Variants in GTPBP1 observed in about 807,000 individuals in gnomAD.
GTPBP1 encodes GTP binding protein 1.
Under a neutral mutation model 62.0 loss-of-function variants are expected in GTPBP1, and 23 were observed. The ratio of observed to expected loss-of-function variants is 0.37; its 90% CI spans 0.27 to 0.53. The LOEUF is 0.53. GTPBP1 is among the 20% of genes least tolerant of loss of function. The probability of loss-of-function intolerance (pLI) is 0.89; values close to 1 mark genes in which losing one functional copy is unlikely to be tolerated. For missense variants in GTPBP1, 640 were observed against 917.3 expected, an observed-to-expected ratio of 0.70 and a Z score of 3.90; for synonymous variants, 344 against 364.4, an observed-to-expected ratio of 0.94 and a Z score of 0.64.
At chr22:38,740,665 T>A, downstream of GTPBP1, 1 of 571,856 alleles carries the variant, frequency 1.7e-6, no homozygotes, top group East Asian at 2.9e-5. This position sits in a 1 kb window ranked among gnomAD's most constrained non-coding sequence, Gnocchi z 4.8. Context: ...GAGTCCAGAA[T>A]GTACTCTGCC....
chr22:38,734,215 G>T, downstream of GTPBP1: 1 of 428,580 alleles, frequency 2.3e-6, no homozygotes. Flanking sequence ...GATCAGGCTA[G>T]AGAACCACGC....
chr22:38,710,516 G>A (rs984483938), intron 2 of GTPBP1, among the ~76,000 whole-genome samples: 59 of 152,154 alleles, frequency 3.9e-4, no homozygotes, highest in African/African-American at 1.4e-3. Context: ...CTAAAGGAAG[G>A]CATGGTCAGA....
Position 38,726,356 on chromosome 22 carries a change from C to A in GTPBP1, c.1317C>A (p.Ser439=). ...CAGACCCCTTGGGTAACTTCCTGTC[C>A]ATTGCTGTCAAATCCATCCATCGCA... ...LGPDPLGNFL[S]IAVKSIHRKR... The change falls in exon 8 of 12, where the codon TCC becomes TCA. Residue 439 remains serine (S), a synonymous_variant. Coordinates refer to ENST00000216044, the MANE Select transcript of GTPBP1 (RefSeq NM_004286.5). The surrounding 1 kb of genome is among the most constrained non-coding windows in gnomAD (Gnocchi z 4.1). 6.2e-7 allele frequency: 1 copy of A among 1,614,046 alleles called. No individual in the cohort carries two copies. The highest frequency in any genetic ancestry group is 1.1e-5 in the South Asian group (1 of 91,076).
chr22:38,740,430 A>C, downstream of GTPBP1: 7 of 1,509,064 alleles, frequency 4.6e-6, no homozygotes, highest in Non-Finnish European at 6.2e-6. The surrounding 1 kb of genome is among the most constrained non-coding windows in gnomAD (Gnocchi z 4.8). Flanking sequence ...CTCCTGGGTC[A>C]TGCTGGTCCC....
intron 2 of GTPBP1, among the ~76,000 whole-genome samples, chr22:38,714,844 G>C (rs1257509227): frequency 6.6e-6 from 1 of 152,098 alleles, no homozygotes; most frequent in East Asian, 1.9e-4. Context: ...GGCTGAGGGA[G>C]TGATTGTGGA....
chr22:38,709,218 G>A (rs1202795386), intron 2 of GTPBP1, among the ~76,000 whole-genome samples: 3 of 152,146 alleles, frequency 2.0e-5, no homozygotes, highest in African/African-American at 7.2e-5. Flanking sequence ...CTTGAACCTG[G>A]GAGGCGGAGG....
chr22:38,728,328 C>G, intron 10 of GTPBP1, 167 bp downstream of exon 10: 1 of 604,658 alleles, frequency 1.7e-6, no homozygotes, highest in Non-Finnish European at 3.0e-6. Context: ...ATCCTGTGGC[C>G]TCCTGTCCTG....
At chr22:38,736,071 G>C (rs542299684), downstream of GTPBP1, 46 of 650,210 alleles carry the variant, frequency 7.1e-5, no homozygotes, top group South Asian at 7.5e-4. Flanking sequence ...AGGAAGAAGG[G>C]AGCTGCTGGA....
rs2092673148 is a variant in GTPBP1, at chr22:38,716,704, C to T, written c.538C>T (p.Leu180=). ...TGGCAAAAGCACGCTTCTGGGGGTCCTGACACATGGGGAGCTGGACAATGG... is the reference window on the plus strand; with the variant it reads ...TGGCAAAAGCACGCTTCTGGGGGTCTTGACACATGGGGAGCTGGACAATGG... ...DAGKSTLLGV[L]THGELDNGRG... Residue 180 remains leucine (L), a synonymous_variant, in exon 4 of 12, where the codon CTG becomes TTG. Coordinates refer to ENST00000216044, the MANE Select transcript of GTPBP1 (RefSeq NM_004286.5). The surrounding 1 kb of genome is among the most constrained non-coding windows in gnomAD (Gnocchi z 5.2). 1 of 1,614,022 alleles carries T rather than the reference C, an allele frequency of 6.2e-7. No homozygotes were observed. Among genetic ancestry groups the T allele is most frequent in the African/African-American group, 1.3e-5 (1 of 74,898 alleles).
At chr22:38,724,166 G>T (rs897615994) in intron 5 of GTPBP1, 131 bp from the exon 6 acceptor site, 2 of 625,248 alleles carry the variant, frequency 3.2e-6, no homozygotes, top group Non-Finnish European at 5.9e-6. Flanking sequence ...AGGCATTGTG[G>T]CATTTAACAC....
intron 1 of GTPBP1, 142 bp from the exon 2 acceptor site, chr22:38,708,703 G>A (rs2092620623): frequency 3.3e-6 from 2 of 611,108 alleles, no homozygotes; most frequent in Non-Finnish European, 5.9e-6. Flanking sequence ...GAAGCAGAGA[G>A]GGCATGAAGG....
chr22:38,732,438 C>G lies in GTPBP1; in HGVS notation c.*1734C>G, dbSNP rs781143731. ...TGGTGACACGGGACAAGCTTACAAA[C>G]CTTCTCTGAACCTCAGTTTTCTCAT... On this transcript the variant is annotated 3_prime_UTR_variant, in exon 12 of 12. Transcript: ENST00000216044. 6.6e-6 allele frequency: 1 copy of G among 152,290 alleles called. No homozygotes were observed. The highest frequency in any genetic ancestry group is 1.5e-5 in the Non-Finnish European group (1 of 68,068). 9.4% of individuals were successfully genotyped at this position (152,290 alleles called of 1,614,324 possible). A position where few individuals can be genotyped will look rare whatever the true frequency, so the allele number is the denominator to read the frequency against.
Position 38,716,650 on chromosome 22 carries a change from A to G in GTPBP1, c.486-2A>G. 1 of 1,607,032 alleles carries G rather than the reference A, an allele frequency of 6.2e-7. No individual in the cohort carries two copies. Among genetic ancestry groups the G allele is most frequent in the South Asian group, 1.1e-5 (1 of 90,548 alleles). On this transcript the variant is annotated splice_acceptor_variant, in intron 3 of 11. Transcript: ENST00000216044. LOFTEE classifies it high-confidence loss of function. This position sits in a 1 kb window ranked among gnomAD's most constrained non-coding sequence, Gnocchi z 5.2. ...TAGATGTATGGGTTCATCTACACGC[A>G]GGGTAGCAGTGGTGGGCAACGTGGA...
At position 38,730,801 on chromosome 22, in the gene GTPBP1, C is replaced by G. The variant is rs1049919810; in HGVS notation, c.*97C>G. ...GCAGCTATGACCGCCACCCAGCCCTCCCGCTCAGGCCACAGCCGGAGCCTC... is the reference window on the plus strand; with the variant it reads ...GCAGCTATGACCGCCACCCAGCCCTGCCGCTCAGGCCACAGCCGGAGCCTC... On this transcript the variant is annotated 3_prime_UTR_variant, in exon 12 of 12. Coordinates refer to ENST00000216044, the MANE Select transcript of GTPBP1 (RefSeq NM_004286.5). The surrounding 1 kb of genome is among the most constrained non-coding windows in gnomAD (Gnocchi z 5.6). 6.1e-6 allele frequency: 4 copies of G among 651,618 alleles called. No homozygotes were observed. In the African/African-American group the frequency reaches 7.4e-5, roughly 12 times the overall value. 40.4% of individuals were successfully genotyped at this position (651,618 alleles called of 1,614,324 possible).
rs1226334090 is a variant in GTPBP1, at chr22:38,727,696, A to G, written c.1538-287A>G. Among the ~76,000 whole-genome samples, 1 of 152,224 alleles carries G rather than the reference A, an allele frequency of 6.6e-6. No individual in the cohort carries two copies. Among genetic ancestry groups the G allele is most frequent in the Non-Finnish European group, 1.5e-5 (1 of 68,046 alleles). On this transcript the variant is annotated intron_variant, in intron 9 of 11. Transcript: ENST00000216044. The surrounding 1 kb of genome is among the most constrained non-coding windows in gnomAD (Gnocchi z 6.5). ...CCTTCCCCGCAGAAGCCCACAGTCCAGCGAGGAGGTGCATGTGCAGTGTGC... is the reference window on the plus strand; with the variant it reads ...CCTTCCCCGCAGAAGCCCACAGTCCGGCGAGGAGGTGCATGTGCAGTGTGC...
intron 10 of GTPBP1, chr22:38,728,452 T>C: frequency 2.3e-6 from 1 of 426,296 alleles, no homozygotes; most frequent in South Asian, 2.8e-5. Context: ...CAGGGTGCTG[T>C]CACAGGTTCC....
intron 2 of GTPBP1, among the ~76,000 whole-genome samples, chr22:38,711,243 T>G (rs1426768042): frequency 4.6e-5 from 7 of 152,222 alleles, no homozygotes; most frequent in Non-Finnish European, 4.4e-5. Flanking sequence ...AAATAAGACA[T>G]TTAAAATTGT....
At chr22:38,723,101 G>T in intron 5 of GTPBP1, 1 of 770,112 alleles carries the variant, frequency 1.3e-6, no homozygotes, top group South Asian at 1.4e-5. Context: ...ACTAAAGTGG[G>T]AATCCACTGA....
At position 38,727,541 on chromosome 22, in the gene GTPBP1, G is replaced by A. The variant is rs1032170230; in HGVS notation, c.1537+193G>A. Among the ~76,000 whole-genome samples the A allele has an allele frequency of 6.6e-6, 1 of 152,180 alleles. No individual in the cohort carries two copies. The highest frequency in any genetic ancestry group is 1.5e-5 in the Non-Finnish European group (1 of 68,026). ...CCTTCCCACAAACACTGAGGGCTGG[G>A]CTCTTGAGACCCAGACCTGTCCTCA... On this transcript the variant is annotated intron_variant, in intron 9 of 11. Coordinates refer to ENST00000216044, the MANE Select transcript of GTPBP1 (RefSeq NM_004286.5). This position sits in a 1 kb window ranked among gnomAD's most constrained non-coding sequence, Gnocchi z 6.5.
Sources: gnomAD v4.1 joint callset for allele counts (sites outside exome capture counted in the v4.1 genomes callset) on GRCh38, gnomAD v4.1.1 for gene constraint, Gnocchi (gnomAD v3.1) non-coding constraint, MANE v1.5 for transcripts, NCBI Gene and HGNC (gene_info 2026-07-23, HGNC 2026-07-21) for gene names.